GNA14: variants seen among roughly 807,000 people sequenced by gnomAD.
GNA14 encodes G protein subunit alpha 14.
In GNA14, 50 loss-of-function variants were observed where a neutral mutation model predicts 42.0. The ratio of observed to expected loss-of-function variants is 1.19; its 90% CI spans 0.95 to 1.51. GNA14 has a LOEUF of 1.51. Among genes scored for constraint, GNA14 ranks in the 40% most tolerant of loss-of-function variants. The pLI, the probability that GNA14 is intolerant of heterozygous loss-of-function variation, is 0.00. For missense variants in GNA14, 473 were observed against 446.2 expected, an observed-to-expected ratio of 1.06 and a Z score of -0.54; for synonymous variants, 173 against 163.1, an observed-to-expected ratio of 1.06 and a Z score of -0.46.
chr9:77,504,737 A>AG (rs1837038907), intron 2 of GNA14, among the ~76,000 whole-genome samples: 1 of 138,040 alleles, frequency 7.2e-6, no homozygotes, highest in Non-Finnish European at 1.5e-5. Flanking sequence ...GCATGATCTC[A>AG]GTTCACTGCA....
chr9:77,642,933 C>A (rs1434567977), intron 1 of GNA14, among the ~76,000 whole-genome samples: 1 of 152,170 alleles, frequency 6.6e-6, no homozygotes, highest in Non-Finnish European at 1.5e-5. Flanking sequence ...AGCCCCCATG[C>A]GCAGACAATT....
At chr9:77,511,022 T>C (rs1172012243) in intron 2 of GNA14, among the ~76,000 whole-genome samples, 4 of 150,676 alleles carry the variant, frequency 2.7e-5, no homozygotes, top group African/African-American at 7.3e-5. Context: ...CTCAAGCCCC[T>C]GGATTATAGG....
intron 1 of GNA14, among the ~76,000 whole-genome samples, chr9:77,629,518 G>T (rs1434903145): frequency 6.6e-6 from 1 of 152,110 alleles, no homozygotes; most frequent in Non-Finnish European, 1.5e-5. Flanking sequence ...AAGAAAATGT[G>T]GTACATATAC....
In GNA14 at chr9:77,480,733, T is replaced by C. The variant is rs148896604; in HGVS notation, c.310-46211A>G. Among the ~76,000 whole-genome samples the C allele has an allele frequency of 6.4e-3, 972 of 152,336 alleles. 10 individuals are homozygous for C. The highest frequency in any genetic ancestry group is 0.022 in the African/African-American group (916 of 41,576). On this transcript the variant is annotated intron_variant, in intron 2 of 6. Transcript: ENST00000341700. ...ATTGCCACAATTTCAGAGTCTGTTA[T>C]TGGTCTATTCAGAGATTCAACTTCC...
At chr9:77,523,367 G>A (rs1837387625) in intron 2 of GNA14, among the ~76,000 whole-genome samples, 3 of 152,154 alleles carry the variant, frequency 2.0e-5, no homozygotes, top group South Asian at 4.1e-4. Context: ...GGCCAGAGCA[G>A]GAACAAGGCT....
At chr9:77,435,642 C>G (rs571941387) in intron 2 of GNA14, among the ~76,000 whole-genome samples, 2 of 152,136 alleles carry the variant, frequency 1.3e-5, no homozygotes, top group Non-Finnish European at 2.9e-5. Context: ...ATTACTATTA[C>G]AGCGGTTACC....
chr9:77,438,513 C>G (rs1835675213), intron 2 of GNA14, among the ~76,000 whole-genome samples: 1 of 152,058 alleles, frequency 6.6e-6, no homozygotes. Context: ...AGTGATCCAC[C>G]CACCTCAGCC....
At chr9:77,471,427 A>G (rs1429270294) in intron 2 of GNA14, among the ~76,000 whole-genome samples, 1 of 152,238 alleles carries the variant, frequency 6.6e-6, no homozygotes, top group East Asian at 1.9e-4. Context: ...AGGGGCTGGG[A>G]AGTGTGAGCA....
chr9:77,441,776 T>C (rs958310577), intron 2 of GNA14, among the ~76,000 whole-genome samples: 14 of 152,170 alleles, frequency 9.2e-5, no homozygotes, highest in Admixed American at 9.2e-4. Context: ...AAATCACCCC[T>C]CTTTAACAAC....
intron 1 of GNA14, among the ~76,000 whole-genome samples, chr9:77,565,526 C>T (rs748597075): frequency 2.0e-5 from 3 of 152,134 alleles, no homozygotes; most frequent in Non-Finnish European, 4.4e-5. Context: ...GGCACAATCT[C>T]GGCTCACTGC....
intron 1 of GNA14, among the ~76,000 whole-genome samples, chr9:77,588,441 A>C (rs551609353): frequency 6.6e-6 from 1 of 152,226 alleles, no homozygotes; most frequent in East Asian, 1.9e-4. Flanking sequence ...AGAATGACTA[A>C]GGAAATCTGC....
At chr9:77,637,378 A>T (rs1824199138) in intron 1 of GNA14, among the ~76,000 whole-genome samples, 1 of 152,166 alleles carries the variant, frequency 6.6e-6, no homozygotes, top group African/African-American at 2.4e-5. Context: ...AAAAACAGAG[A>T]TCTGGCCCTA....
chr9:77,430,582 G>C (rs1360490424), intron 4 of GNA14, among the ~76,000 whole-genome samples: 3 of 152,220 alleles, frequency 2.0e-5, no homozygotes, highest in Non-Finnish European at 2.9e-5. Context: ...ATTCTGGAGA[G>C]AGAAGCACTG....
intron 1 of GNA14, among the ~76,000 whole-genome samples, chr9:77,610,712 T>C (rs575424416): frequency 3.8e-4 from 58 of 152,338 alleles, no homozygotes; most frequent in African/African-American, 1.2e-3. Context: ...GATCAAATGA[T>C]AGCAACCAAA....
chr9:77,647,638 G>C (rs534693963), intron 1 of GNA14, 32 bp downstream of exon 1: 1 of 1,594,644 alleles, frequency 6.3e-7, no homozygotes, highest in Admixed American at 1.7e-5. Context: ...AAAAACGCCC[G>C]GCTCACTGGA....
chr9:77,603,956 C>CAAAAAAAAAAA (rs67044542), intron 1 of GNA14, among the ~76,000 whole-genome samples: 57 of 81,604 alleles, frequency 7.0e-4, no homozygotes, highest in African/African-American at 1.3e-3. Context: ...AAAAAAAAAA[C>CAAAAAAAAAAA]AAAAAAAAAA....
intron 1 of GNA14, among the ~76,000 whole-genome samples, chr9:77,626,447 C>T (rs185405347): frequency 6.6e-6 from 1 of 152,252 alleles, no homozygotes; most frequent in East Asian, 1.9e-4. Context: ...CTTCTCGGCA[C>T]CACATTGCAC....
rs35946811 is a variant in GNA14 at position 77,538,066 on chromosome 9, CT to C, written c.125-8814del. ...TATTTCCTTTGCTGTACAGAAGCTT[CT>C]TTTTTTTTTTTTTCCCTTAAAGAGA... is the stretch of plus-strand genomic sequence containing the variant. On this transcript the variant is annotated intron_variant, in intron 1 of 6. Transcript: ENST00000341700. Among the ~76,000 whole-genome samples the C allele has an allele frequency of 7.5e-3, 1,039 of 138,438 alleles. 10 individuals carry two copies. Among genetic ancestry groups the C allele is most frequent in the African/African-American group, 0.017 (622 of 35,940 alleles). The allele number at this position is 138,438 out of a possible 152,430, so 90.8% of individuals were successfully genotyped here.
intron 1 of GNA14, among the ~76,000 whole-genome samples, chr9:77,572,172 T>A (rs1823070045): frequency 6.6e-6 from 1 of 152,178 alleles, no homozygotes; most frequent in Non-Finnish European, 1.5e-5. Flanking sequence ...TGACAGTGGA[T>A]GATTTTTTGG....
Sources: allele counts gnomAD v4.1 joint callset (sites outside exome capture counted in the v4.1 genomes callset), GRCh38; gene constraint gnomAD v4.1.1; transcripts MANE v1.5; gene names NCBI Gene and HGNC (gene_info 2026-07-23, HGNC 2026-07-21).